CCDC192: variants seen among roughly 807,000 people sequenced by gnomAD.
CCDC192 encodes the protein coiled-coil domain containing 192.
chr5:127,920,229 G>A (rs1026433902), intron 6 of CCDC192, among the ~76,000 whole-genome samples: 8 of 151,920 alleles, frequency 5.3e-5, no homozygotes, highest in African/African-American at 1.7e-4. Flanking sequence ...AGAGATTTGT[G>A]CTCACACACA....
At chr5:127,884,392 C>CAAA (rs372054209) in intron 6 of CCDC192, among the ~76,000 whole-genome samples, 4 of 101,780 alleles carry the variant, frequency 3.9e-5, no homozygotes, top group African/African-American at 1.3e-4. Context: ...GACTGCATCT[C>CAAA]AAAAAAAAAA....
intron 2 of CCDC192, among the ~76,000 whole-genome samples, chr5:127,747,654 C>T (rs1386214733): frequency 6.6e-6 from 1 of 151,912 alleles, no homozygotes; most frequent in Non-Finnish European, 1.5e-5. Context: ...ATGGTATTTC[C>T]AGTTCTAGAT....
intron 5 of CCDC192, among the ~76,000 whole-genome samples, chr5:127,854,669 C>A (rs1750980887): frequency 6.6e-6 from 1 of 152,150 alleles, no homozygotes; most frequent in East Asian, 1.9e-4. Context: ...ACTCATATAG[C>A]CAAATTCCAA....
chr5:127,928,815 G>C (rs1753936456), intron 6 of CCDC192, among the ~76,000 whole-genome samples: 1 of 151,724 alleles, frequency 6.6e-6, no homozygotes, highest in South Asian at 2.1e-4. Context: ...GCCCAGGCTG[G>C]AGTGCAGTGG....
intron 6 of CCDC192, among the ~76,000 whole-genome samples, chr5:127,886,910 T>C (rs926969011): frequency 2.6e-5 from 4 of 152,146 alleles, no homozygotes; most frequent in Non-Finnish European, 5.9e-5. Context: ...AGATGTATGC[T>C]TCAGGAATGA....
At chr5:127,924,884 C>T (rs1351661156) in intron 6 of CCDC192, among the ~76,000 whole-genome samples, 2 of 152,268 alleles carry the variant, frequency 1.3e-5, no homozygotes, top group African/African-American at 4.8e-5. Flanking sequence ...TCCCCACTTT[C>T]CTTTTATCCC....
At chr5:127,766,162 G>A (rs1479151158) in intron 3 of CCDC192, among the ~76,000 whole-genome samples, 5 of 152,146 alleles carry the variant, frequency 3.3e-5, no homozygotes, top group Non-Finnish European at 7.3e-5. Context: ...GGAGGAAAGG[G>A]TAAAGGCTTC....
chr5:127,765,647 T>C (rs1436887349), intron 3 of CCDC192, among the ~76,000 whole-genome samples: 1 of 152,194 alleles, frequency 6.6e-6, no homozygotes, highest in African/African-American at 2.4e-5. Flanking sequence ...ATGAATCATG[T>C]TGGAAACCAC....
intron 3 of CCDC192, among the ~76,000 whole-genome samples, chr5:127,766,800 A>G (rs1415430222): frequency 6.6e-6 from 1 of 151,992 alleles, no homozygotes; most frequent in Non-Finnish European, 1.5e-5. Flanking sequence ...CATCTTGAGT[A>G]TTCTGTGTTT....
chr5:127,895,521 T>A (rs193106220), intron 6 of CCDC192, among the ~76,000 whole-genome samples: 39 of 152,182 alleles, frequency 2.6e-4, no homozygotes, highest in Admixed American at 8.5e-4. Context: ...TAGAGCACAA[T>A]TTGCAAGATA....
chr5:127,908,632 T>C (rs1462270927), intron 6 of CCDC192, among the ~76,000 whole-genome samples: 1 of 152,234 alleles, frequency 6.6e-6, no homozygotes, highest in Non-Finnish European at 1.5e-5. Context: ...GGTAGAACAC[T>C]AATATTTTGA....
intron 5 of CCDC192, among the ~76,000 whole-genome samples, chr5:127,854,877 A>C (rs1238426878): frequency 6.6e-6 from 1 of 152,262 alleles, no homozygotes; most frequent in Non-Finnish European, 1.5e-5. Context: ...TTAATAAACT[A>C]TAGAATAGTG....
chr5:127,802,920 G>A (rs2126982450), intron 5 of CCDC192, among the ~76,000 whole-genome samples: 1 of 152,248 alleles, frequency 6.6e-6, no homozygotes, highest in African/African-American at 2.4e-5. Context: ...ATTACATCAG[G>A]CATTAATTTA....
intron 3 of CCDC192, among the ~76,000 whole-genome samples, chr5:127,759,998 T>A (rs1378387647): frequency 6.6e-6 from 1 of 152,132 alleles, no homozygotes; most frequent in Non-Finnish European, 1.5e-5. Flanking sequence ...AGGGAGGGTG[T>A]CAGGAGGTGA....
chr5:127,795,277 G>A (rs1757098560), intron 3 of CCDC192, among the ~76,000 whole-genome samples: 1 of 128,040 alleles, frequency 7.8e-6, no homozygotes, highest in South Asian at 2.9e-4. Flanking sequence ...GTGACAAGGT[G>A]AGACTCTATC....
intron 3 of CCDC192, among the ~76,000 whole-genome samples, chr5:127,770,477 C>T (rs1420156203): frequency 6.6e-6 from 1 of 152,228 alleles, no homozygotes; most frequent in African/African-American, 2.4e-5. Flanking sequence ...CCACTCACTG[C>T]ACTGCCAGGA....
chr5:127,734,324 CATT>C (rs1752835599), intron 2 of CCDC192, among the ~76,000 whole-genome samples: 1 of 151,934 alleles, frequency 6.6e-6, no homozygotes, highest in African/African-American at 2.4e-5. Flanking sequence ...TCCAGTCTAT[CATT>C]GTTGGACATT....
intron 3 of CCDC192, among the ~76,000 whole-genome samples, chr5:127,762,067 T>G (rs1468739791): frequency 6.6e-6 from 1 of 152,200 alleles, no homozygotes; most frequent in South Asian, 2.1e-4. Context: ...TGTTTTTTTT[T>G]CATTGTTTAT....
intron 5 of CCDC192, among the ~76,000 whole-genome samples, chr5:127,843,003 A>C (rs977693396): frequency 1.4e-5 from 2 of 145,760 alleles, no homozygotes; most frequent in African/African-American, 5.1e-5. Context: ...TCATCACCTT[A>C]ATTTCCTGGG....
Sources: allele counts gnomAD v4.1 joint callset (sites outside exome capture counted in the v4.1 genomes callset), GRCh38; gene constraint gnomAD v4.1.1; transcripts MANE v1.5; gene names NCBI Gene and HGNC (gene_info 2026-07-23, HGNC 2026-07-21).